Variants in HECW1 observed in about 807,000 individuals in gnomAD.
HECW1 encodes the protein E3 ubiquitin-protein ligase HECW1.
HECW1 carries 61 observed loss-of-function variants against 182.3 expected under a neutral mutation model. The ratio of observed to expected loss-of-function variants is 0.33; its 90% CI spans 0.27 to 0.41. The LOEUF is 0.41. Among genes scored for constraint, HECW1 ranks in the 10% least tolerant of loss-of-function variants. The pLI, the probability that HECW1 is intolerant of heterozygous loss-of-function variation, is 1.00. For synonymous variants in HECW1, 859 were observed against 832.6 expected (o/e 1.03, Z -0.55); for missense variants, 1,739 against 2,108.9 (o/e 0.82, Z 3.44).
chr7:43,552,304 A>G lies in HECW1; in HGVS notation c.4478A>G (p.Asn1493Ser), dbSNP rs2081862400. ...VIAGTAEIDLNDWRNNTEYRG... is the reference protein window; with the variant it reads ...VIAGTAEIDLSDWRNNTEYRG... ...GCTGGCACCGCGGAAATCGACCTAA[A>G]TGACTGGCGGAATAACACTGAGTAC... The change falls in exon 28 of 30, where the codon AAT becomes AGT. Residue 1493 changes from asparagine to serine, a missense_variant. Physicochemically the swap from Asn to Ser is conservative, Grantham distance 46. This residue lies in a region of HECW1 where 420 missense variants were observed against 595.7 expected (regional missense o/e 0.71). Coordinates refer to ENST00000395891, the MANE Select transcript of HECW1 (RefSeq NM_015052.5). The G allele has an allele frequency of 6.2e-7, 1 of 1,613,690 alleles. No homozygotes were observed. Among genetic ancestry groups the G allele is most frequent in the Non-Finnish European group, 8.5e-7 (1 of 1,179,634 alleles).
At chr7:43,272,935 G>A (rs1396968866) in intron 3 of HECW1, among the ~76,000 whole-genome samples, 1 of 152,132 alleles carries the variant, frequency 6.6e-6, no homozygotes. Context: ...TCCATCAGTT[G>A]TGGACTGAAT....
chr7:43,271,334 C>G (rs183047465), intron 3 of HECW1, among the ~76,000 whole-genome samples: 1 of 152,230 alleles, frequency 6.6e-6, no homozygotes, highest in Non-Finnish European at 1.5e-5. Flanking sequence ...ACCTATTCAA[C>G]ATAGTACTGG....
chr7:43,210,201 G>A (rs182904297), intron 2 of HECW1, among the ~76,000 whole-genome samples: 1 of 152,198 alleles, frequency 6.6e-6, no homozygotes, highest in Non-Finnish European at 1.5e-5. Flanking sequence ...GCTGACCAAG[G>A]ACTCTCTTAA....
chr7:43,474,625 G>A (rs548106987), intron 16 of HECW1, among the ~76,000 whole-genome samples: 8 of 152,130 alleles, frequency 5.3e-5, no homozygotes, highest in South Asian at 2.1e-4. Flanking sequence ...ACATACAGTC[G>A]TAGTAGGAAA....
chr7:43,482,176 CG>C (rs1246298109), intron 17 of HECW1, among the ~76,000 whole-genome samples: 1 of 152,014 alleles, frequency 6.6e-6, no homozygotes, highest in African/African-American at 2.4e-5. Context: ...AGAAAAGCAA[CG>C]GAGAGAGAAG....
intron 24 of HECW1, among the ~76,000 whole-genome samples, chr7:43,532,404 G>A (rs571554488): frequency 2.4e-4 from 37 of 151,624 alleles, no homozygotes; most frequent in African/African-American, 6.8e-4. Flanking sequence ...TTAACACATC[G>A]GTTCATTCCA....
chr7:43,391,216 G>A (rs543983532), intron 6 of HECW1, among the ~76,000 whole-genome samples: 19 of 152,282 alleles, frequency 1.2e-4, no homozygotes, highest in Non-Finnish European at 1.0e-4. Context: ...ACACTTACAC[G>A]TAGACATATA....
At chr7:43,465,098 G>A (rs987781315) in intron 14 of HECW1, among the ~76,000 whole-genome samples, 22 of 152,070 alleles carry the variant, frequency 1.4e-4, no homozygotes, top group African/African-American at 5.3e-4. Flanking sequence ...CATCACACCT[G>A]GCCTGTTATT....
intron 2 of HECW1, among the ~76,000 whole-genome samples, chr7:43,125,757 TAAAAAAA>T (rs57874835): frequency 2.3e-5 from 2 of 86,540 alleles, no homozygotes; most frequent in South Asian, 9.8e-4. Context: ...GATTCTGTCT[TAAAAAAA>T]AAAAAAAAAA....
At chr7:43,212,729 T>G (rs1446319955) in intron 2 of HECW1, among the ~76,000 whole-genome samples, 3 of 152,250 alleles carry the variant, frequency 2.0e-5, no homozygotes, top group Non-Finnish European at 2.9e-5. Context: ...CTGGAATGTC[T>G]AAGTACTCTA....
chr7:43,121,405 G>A (rs769122305), intron 2 of HECW1, among the ~76,000 whole-genome samples: 8 of 152,068 alleles, frequency 5.3e-5, no homozygotes, highest in Non-Finnish European at 8.8e-5. Context: ...TGGCATCGTC[G>A]GGCTGTAGGC....
intron 5 of HECW1, among the ~76,000 whole-genome samples, chr7:43,359,663 T>TTA (rs1419926071): frequency 6.6e-6 from 1 of 152,214 alleles, no homozygotes; most frequent in East Asian, 1.9e-4. Context: ...GTTATTTCAT[T>TTA]TATACTTATC....
Position 43,552,399 on chromosome 7 carries a change from A to G in HECW1, c.4510+63A>G, listed in dbSNP as rs1028800873. The G allele has an allele frequency of 9.2e-6, 10 of 1,084,206 alleles. No individual in the cohort carries two copies. In the African/African-American group the frequency reaches 1.4e-4, roughly 15 times the overall value. 67.2% of individuals were successfully genotyped at this position (1,084,206 alleles called of 1,614,324 possible). On this transcript the variant is annotated intron_variant, in intron 28 of 29. Transcript: ENST00000395891. ...AATAGAACTCAGCACTTTCCAAAAGATTGTTTTGTTGAGGTGAAATTGATG... is the reference window on the plus strand; with the variant it reads ...AATAGAACTCAGCACTTTCCAAAAGGTTGTTTTGTTGAGGTGAAATTGATG...
At position 43,564,987 on chromosome 7, in the gene HECW1, T is replaced by C. The variant is rs2082296215; in HGVS notation, c.*3061T>C. 5.4e-6 allele frequency: 1 copy of C among 186,670 alleles called. No individual in the cohort carries two copies. The highest frequency in any genetic ancestry group is 6.2e-5 in the Admixed American group (1 of 16,074). The allele number at this position is 186,670 out of a possible 1,614,324, so 11.6% of individuals were successfully genotyped here. A position where few individuals can be genotyped will look rare whatever the true frequency, so the allele number is the denominator to read the frequency against. ...CTAAAACAATTGATTTTAGTAAGAG[T>C]GTAACGCCTTTAATCAGGGGACAAA... On this transcript the variant is annotated 3_prime_UTR_variant, in exon 30 of 30. Coordinates refer to ENST00000395891, the MANE Select transcript of HECW1 (RefSeq NM_015052.5).
chr7:43,444,615 C>T lies in HECW1; in HGVS notation c.1443C>T (p.Ser481=), dbSNP rs771903580. Residue 481 remains serine, a synonymous_variant, in exon 11 of 30, where the codon AGC becomes AGT. Transcript: ENST00000395891. The surrounding 1 kb of genome is among the most constrained non-coding windows in gnomAD (Gnocchi z 4.3). ...LLLEDGEAPA[S]TKEEPLEEEA... ...TGGAAGACGGTGAAGCCCCAGCCAG[C>T]ACCAAGGAGGAGCCCTTGGAGGAGG... The T allele has an allele frequency of 1.2e-6, 2 of 1,610,624 alleles. No homozygotes were observed. Among genetic ancestry groups the T allele is most frequent in the Admixed American group, 1.7e-5 (1 of 59,524 alleles).
rs1359550419 is a variant in HECW1 at position 43,360,970 on chromosome 7, C to T, written c.545C>T (p.Ser182Leu). The T allele has an allele frequency of 3.7e-6, 6 of 1,609,592 alleles. No homozygotes were observed. The highest frequency in any genetic ancestry group is 3.4e-5 in the Admixed American group (2 of 59,466). Reference protein sequence around the residue: ...ATTPSVTVKNSAAPIFKSIGA... With the variant: ...ATTPSVTVKNLAAPIFKSIGA... ...ACCCCCAGTGTCACGGTCAAAAACT[C>T]GGCAGCTCCTGTAAGTCTCATTTCT... is the stretch of plus-strand genomic sequence containing the variant. Residue 182 changes from serine to leucine, a missense_variant, in exon 6 of 30, where the codon TCG becomes TTG. Physicochemically the swap from Ser to Leu is moderately radical, Grantham distance 145. Transcript: ENST00000395891.
intron 2 of HECW1, among the ~76,000 whole-genome samples, chr7:43,163,798 G>A (rs1447880317): frequency 6.6e-6 from 1 of 152,144 alleles, no homozygotes; most frequent in Non-Finnish European, 1.5e-5. Flanking sequence ...ACTGAGAAAT[G>A]GTGGAGATGT....
chr7:43,448,781 T>C (rs1405679804), intron 11 of HECW1, among the ~76,000 whole-genome samples: 1 of 152,228 alleles, frequency 6.6e-6, no homozygotes, highest in Non-Finnish European at 1.5e-5. Flanking sequence ...TACAATTAGG[T>C]TATATTATTT....
At chr7:43,561,440 C>T (rs2082205038) in intron 29 of HECW1, among the ~76,000 whole-genome samples, 1 of 152,158 alleles carries the variant, frequency 6.6e-6, no homozygotes, top group African/African-American at 2.4e-5. Flanking sequence ...CAGAGCTGGG[C>T]AAGAAGACTT....
Sources: gnomAD v4.1 joint callset for allele counts (sites outside exome capture counted in the v4.1 genomes callset) on GRCh38, gnomAD v4.1.1 for gene constraint, gnomAD v4.1.1 regional missense constraint, Gnocchi (gnomAD v3.1) non-coding constraint, MANE v1.5 for transcripts, NCBI Gene and HGNC (gene_info 2026-07-23, HGNC 2026-07-21) for gene names.